Variants in OPRM1 observed in about 807,000 individuals in gnomAD.
OPRM1 encodes mu-type opioid receptor.
In OPRM1, 27 loss-of-function variants were observed where a neutral mutation model predicts 31.8. That is an observed-to-expected ratio of 0.85 (90% confidence interval 0.63 to 1.17). OPRM1 has a LOEUF of 1.17. OPRM1 is among the 50% of genes most tolerant of loss of function. The pLI, the probability that OPRM1 is intolerant of heterozygous loss-of-function variation, is 0.00. For synonymous variants in OPRM1, 196 were observed against 189.9 expected (o/e 1.03, Z -0.26); for missense variants, 536 against 511.1 (o/e 1.05, Z -0.47).
At chr6:154,023,485 T>C (rs1189942360) in intron 1 of OPRM1, among the ~76,000 whole-genome samples, 1 of 152,198 alleles carries the variant, frequency 6.6e-6, no homozygotes, top group Non-Finnish European at 1.5e-5. Context: ...TATAAGATCA[T>C]ATAATCTGTA....
At chr6:154,084,600 A>G (rs1790053140) in intron 1 of OPRM1, among the ~76,000 whole-genome samples, 1 of 152,296 alleles carries the variant, frequency 6.6e-6, no homozygotes. Flanking sequence ...ATTAAATATG[A>G]GTATTAAAGT....
chr6:154,148,711 A>G (rs911508903), intron 3 of OPRM1, among the ~76,000 whole-genome samples: 2 of 152,160 alleles, frequency 1.3e-5, no homozygotes, highest in Admixed American at 6.5e-5. Context: ...GGTCACTTCT[A>G]TCTCCACACA....
intron 3 of OPRM1, among the ~76,000 whole-genome samples, chr6:154,234,344 AAGG>A (rs1357639740): frequency 1.3e-5 from 2 of 152,136 alleles, no homozygotes; most frequent in Non-Finnish European, 2.9e-5. Flanking sequence ...CCTGCTTGCT[AAGG>A]AGAACTTTAT....
upstream of OPRM1, among the ~76,000 whole-genome samples, chr6:154,037,789 A>G (rs969832441): frequency 6.6e-6 from 1 of 152,086 alleles, no homozygotes; most frequent in Non-Finnish European, 1.5e-5. Context: ...CTGTAGGGTA[A>G]AGTAACATGT....
intron 3 of OPRM1, among the ~76,000 whole-genome samples, chr6:154,140,687 T>C (rs13193545): frequency 0.14 from 21,498 of 152,088 alleles, 1,990 homozygotes; most frequent in Non-Finnish European, 0.21. Flanking sequence ...CAGCTCCAGA[T>C]AGGGCAAAAG....
intron 3 of OPRM1, among the ~76,000 whole-genome samples, chr6:154,092,174 G>T (rs17174850): frequency 2.0e-5 from 3 of 149,052 alleles, no homozygotes; most frequent in Non-Finnish European, 4.5e-5. Flanking sequence ...GCTTTTGGAA[G>T]GTGTATTTCT....
upstream of OPRM1, among the ~76,000 whole-genome samples, chr6:154,035,939 C>A (rs868765392): frequency 6.6e-6 from 1 of 151,992 alleles, no homozygotes; most frequent in Admixed American, 6.6e-5. Flanking sequence ...CATATTAAGG[C>A]TCAATGAAAT....
chr6:154,093,419 G>A (rs200030378), intron 3 of OPRM1: 28 of 1,614,042 alleles, frequency 1.7e-5, no homozygotes, highest in Admixed American at 1.2e-4. Flanking sequence ...CTCCCAGCCC[G>A]TCTGGTGGAG....
intron 1 of OPRM1, among the ~76,000 whole-genome samples, chr6:154,079,180 C>G (rs916587673): frequency 6.6e-6 from 1 of 152,156 alleles, no homozygotes; most frequent in Non-Finnish European, 1.5e-5. Context: ...GAGATGTGAC[C>G]TCTCGCCTGA....
intron 3 of OPRM1, among the ~76,000 whole-genome samples, chr6:154,205,637 T>C (rs1777431672): frequency 6.6e-6 from 1 of 152,120 alleles, no homozygotes; most frequent in Admixed American, 6.6e-5. Flanking sequence ...ATTAATTTAT[T>C]ATGTATTATT....
intron 1 of OPRM1, among the ~76,000 whole-genome samples, chr6:154,085,857 C>T (rs945890553): frequency 4.7e-5 from 7 of 149,774 alleles, no homozygotes; most frequent in African/African-American, 1.5e-4. Flanking sequence ...AACATTCATG[C>T]CACCACATCA....
intron 3 of OPRM1, among the ~76,000 whole-genome samples, chr6:154,097,105 T>G (rs1793524725): frequency 6.6e-6 from 1 of 152,178 alleles, no homozygotes; most frequent in Non-Finnish European, 1.5e-5. Flanking sequence ...GGAAAAAGCC[T>G]TAATATTCTG....
At chr6:154,169,723 C>T (rs1392514830) in intron 3 of OPRM1, among the ~76,000 whole-genome samples, 7 of 152,296 alleles carry the variant, frequency 4.6e-5, no homozygotes, top group African/African-American at 1.7e-4. Context: ...TGAAGCCACT[C>T]CACCACAGGA....
At chr6:154,112,635 G>A (rs999713992) in intron 3 of OPRM1, among the ~76,000 whole-genome samples, 1 of 152,180 alleles carries the variant, frequency 6.6e-6, no homozygotes, top group African/African-American at 2.4e-5. Flanking sequence ...AAGAAATCAG[G>A]GTGAGAAGAT....
rs200964660 is a variant in OPRM1, at chr6:154,039,685, G to A, written c.141G>A (p.Pro47=). The change falls in exon 1 of 4, where the codon CCG becomes CCA. Residue 47 remains proline (P), a synonymous_variant. Transcript: ENST00000330432. ...LDGNLSDPCG[P]NRTDLGGRDS... Reference sequence around the variant, plus strand: ...GCAACCTGTCCGACCCATGCGGTCCGAACCGCACCGACCTGGGCGGGAGAG... The same window carrying A: ...GCAACCTGTCCGACCCATGCGGTCCAAACCGCACCGACCTGGGCGGGAGAG... 3.1e-4 allele frequency: 501 copies of A among 1,613,904 alleles called. 1 individual carries two copies. Among genetic ancestry groups the A allele is most frequent in the Non-Finnish European group, 3.9e-4 (456 of 1,180,036 alleles).
intron 3 of OPRM1, among the ~76,000 whole-genome samples, chr6:154,106,187 A>T (rs1291959480): frequency 6.6e-6 from 1 of 152,184 alleles, no homozygotes; most frequent in African/African-American, 2.4e-5. Flanking sequence ...CATTCTTATG[A>T]CTTCTTATAA....
intron 1 of OPRM1, among the ~76,000 whole-genome samples, chr6:154,069,210 T>C (rs186547121): frequency 1.3e-5 from 2 of 152,182 alleles, no homozygotes; most frequent in Non-Finnish European, 2.9e-5. Flanking sequence ...TTTAGTTTGA[T>C]GTAATCTTAT....
Position 154,126,226 on chromosome 6 carries a change from C to CT in OPRM1, c.*7509dup, listed in dbSNP as rs1797580438. Among the ~76,000 whole-genome samples the CT allele has an allele frequency of 6.6e-6, 1 of 152,110 alleles. No individual in the cohort carries two copies. Among genetic ancestry groups the CT allele is most frequent in the African/African-American group, 2.4e-5 (1 of 41,408 alleles). On this transcript the variant is annotated 3_prime_UTR_variant, in exon 4 of 4. Transcript: ENST00000330432. ...AAAAGAGGAAATAAAGAAGACAACT[C>CT]TTTTCCTAAGAGTCTGGGTAAAATT...
rs149362601 is a variant in OPRM1 at position 154,143,321 on chromosome 6, G to A, written c.1164+51849G>A. On this transcript the variant is annotated intron_variant, in intron 3 of 3. Transcript: ENST00000337049. ...TCATCACTCTTGCTCCATCTATACCGATACCTCAAAATGCAGCTCAAACTT... is the reference window on the plus strand; with the variant it reads ...TCATCACTCTTGCTCCATCTATACCAATACCTCAAAATGCAGCTCAAACTT... 3.1e-3 allele frequency among the ~76,000 whole-genome samples: 472 copies of A among 152,068 alleles called. 2 individuals are homozygous for A. The highest frequency in any genetic ancestry group is 6.0e-3 in the East Asian group (31 of 5,160).
Sources: allele counts gnomAD v4.1 joint callset (sites outside exome capture counted in the v4.1 genomes callset), GRCh38; gene constraint gnomAD v4.1.1; transcripts MANE v1.5; gene names NCBI Gene and HGNC (gene_info 2026-07-23, HGNC 2026-07-21).